Variants in DHX33 observed in about 807,000 individuals in gnomAD.
The protein encoded by DHX33 is DEAH-box helicase 33.
Under a neutral mutation model 72.5 loss-of-function variants are expected in DHX33, and 42 were observed. The ratio of observed to expected loss-of-function variants is 0.58; its 90% confidence interval spans 0.45 to 0.75. The LOEUF is 0.75. DHX33 is among the 30% of genes least tolerant of loss of function. DHX33 has a pLI of 0.00. For missense variants in DHX33, 842 were observed against 917.5 expected (o/e 0.92, Z 1.06); for synonymous variants, 358 against 366.1 (o/e 0.98, Z 0.25).
chr17:5,451,047 A>G (rs1473748981), intron 8 of DHX33, 113 bp from the exon 9 acceptor site: 2 of 1,250,874 alleles, frequency 1.6e-6, no homozygotes, highest in Non-Finnish European at 2.2e-6. Flanking sequence ...AGCAAAAATC[A>G]TAACCGCCAC....
In DHX33 at chr17:5,440,986, TAG is replaced by T. The variant is rs1404967814; in HGVS notation, c.*3217_*3218del. On this transcript the variant is annotated 3_prime_UTR_variant, in exon 12 of 12. Transcript: ENST00000225296. ...GAGCATTATTTACAAGAGCTTTCTG[TAG>T]AGTTATTTCTGTTCAAATAAAACCA... 1 of 152,240 alleles carries T rather than the reference TAG, an allele frequency of 6.6e-6. No homozygotes were observed. Among genetic ancestry groups the T allele is most frequent in the African/African-American group, 2.4e-5 (1 of 41,466 alleles). 9.4% of individuals were successfully genotyped at this position (152,240 alleles called of 1,614,324 possible).
At position 5,468,963 on chromosome 17, in the gene DHX33, G is replaced by A. The variant is rs1320692042; in HGVS notation, c.-104C>T. The A allele has an allele frequency of 5.5e-6, 4 of 720,738 alleles. No individual in the cohort carries two copies. The highest frequency in any genetic ancestry group is 8.5e-6 in the Non-Finnish European group (4 of 472,158). The allele number at this position is 720,738 out of a possible 1,614,324, so 44.6% of individuals were successfully genotyped here. ...CGCCCCTTCCTCGCCGCCACGTGCT[G>A]GCGGCTCCCGGCGACCACCGATGAC... On this transcript the variant is annotated 5_prime_UTR_variant, in exon 1 of 12. Transcript: ENST00000225296.
chr17:5,466,540 G>A (rs1220271908), intron 1 of DHX33, among the ~76,000 whole-genome samples: 1 of 152,178 alleles, frequency 6.6e-6, no homozygotes, highest in Non-Finnish European at 1.5e-5. Context: ...AGCTCTCGAT[G>A]GGATGGATCC....
intron 1 of DHX33, among the ~76,000 whole-genome samples, chr17:5,465,688 C>G (rs1049033643): frequency 2.0e-5 from 3 of 152,214 alleles, no homozygotes; most frequent in Non-Finnish European, 4.4e-5. Context: ...TGTGCAGAAG[C>G]AAACCTGAGT....
Position 5,443,836 on chromosome 17 carries a change from G to A in DHX33, c.*369C>T, listed in dbSNP as rs978921616. On this transcript the variant is annotated 3_prime_UTR_variant, in exon 12 of 12. Transcript: ENST00000225296. ...CCAACTCACTGTACGTGTGTCGTGCGTGCTCCAGGCATAGTTCTGGGTACT... is the reference window on the plus strand; with the variant it reads ...CCAACTCACTGTACGTGTGTCGTGCATGCTCCAGGCATAGTTCTGGGTACT... 27 of 193,256 alleles carry A rather than the reference G, an allele frequency of 1.4e-4. No individual in the cohort carries two copies. Among genetic ancestry groups the A allele is most frequent in the African/African-American group, 6.4e-4 (25 of 38,760 alleles). 12.0% of individuals were successfully genotyped at this position (193,256 alleles called of 1,614,324 possible). A position where few individuals can be genotyped will look rare whatever the true frequency, so the allele number is the denominator to read the frequency against.
At position 5,445,014 on chromosome 17, in the gene DHX33, G is replaced by T. The variant is rs1401201906; in HGVS notation, c.1816-501C>A. 5.3e-5 allele frequency among the ~76,000 whole-genome samples: 8 copies of T among 152,070 alleles called. No individual in the cohort carries two copies. The East Asian group carries it at 9.6e-4, about 18-fold the overall frequency. On this transcript the variant is annotated intron_variant, in intron 11 of 11. Coordinates refer to ENST00000225296, the MANE Select transcript of DHX33 (RefSeq NM_020162.4). ...TGCAAAACAATGCAAACTTCCCGTG[G>T]TGAAGCCACGAAGGAGCCACCCTGA...
chr17:5,465,702 T>C (rs889155147), intron 1 of DHX33, among the ~76,000 whole-genome samples: 1 of 152,196 alleles, frequency 6.6e-6, no homozygotes, highest in Non-Finnish European at 1.5e-5. Flanking sequence ...CCTGAGTTTA[T>C]AGTGTAGCCG....
At chr17:5,467,307 G>A (rs1904914492) in intron 1 of DHX33, among the ~76,000 whole-genome samples, 1 of 152,036 alleles carries the variant, frequency 6.6e-6, no homozygotes, top group Non-Finnish European at 1.5e-5. Context: ...ATCTACAGAC[G>A]GCATTGCTCC....
chr17:5,468,896 A>G lies in DHX33; in HGVS notation c.-37T>C, dbSNP rs2151695018. Reference sequence around the variant, plus strand: ...ACCGCGGCGGGAGGCGCAAGCGCCGAGAGCTCCTGCCCCCTCTCAGGTGCA... The same window carrying G: ...ACCGCGGCGGGAGGCGCAAGCGCCGGGAGCTCCTGCCCCCTCTCAGGTGCA... On this transcript the variant is annotated 5_prime_UTR_variant, in exon 1 of 12. Transcript: ENST00000225296. 1 of 1,547,814 alleles carries G rather than the reference A, an allele frequency of 6.5e-7. No homozygotes were observed. Among genetic ancestry groups the G allele is most frequent in the Non-Finnish European group, 8.7e-7 (1 of 1,146,052 alleles).
intron 1 of DHX33, among the ~76,000 whole-genome samples, chr17:5,465,105 C>T (rs772599119): frequency 6.6e-6 from 1 of 152,300 alleles, no homozygotes; most frequent in South Asian, 2.1e-4. Context: ...ACAATAAGCA[C>T]GCAGTAAATG....
intron 11 of DHX33, among the ~76,000 whole-genome samples, chr17:5,448,287 T>C (rs897276770): frequency 6.6e-6 from 1 of 152,282 alleles, no homozygotes; most frequent in South Asian, 2.1e-4. Flanking sequence ...GTATCCGTTA[T>C]GTGTGTGCTC....
At chr17:5,454,364 T>C (rs1597359263) in intron 6 of DHX33, among the ~76,000 whole-genome samples, 1 of 152,230 alleles carries the variant, frequency 6.6e-6, no homozygotes, top group East Asian at 1.9e-4. Flanking sequence ...CAAACTAGGA[T>C]GGGGGTCATA....
rs955461822 is a variant in DHX33, at chr17:5,450,134, T to C, written c.1728+69A>G. 11 of 1,575,762 alleles carry C rather than the reference T, an allele frequency of 7.0e-6. No individual in the cohort carries two copies. In the African/African-American group the frequency reaches 1.2e-4, roughly 17 times the overall value. ...AAGCGTACTTTTTGCACGGCTTCAG[T>C]AGAAAAAGGGAAGCACATAGCAGAG... On this transcript the variant is annotated intron_variant, in intron 10 of 11. Transcript: ENST00000225296.
intron 2 of DHX33, among the ~76,000 whole-genome samples, chr17:5,463,294 G>A (rs1429056978): frequency 1.3e-5 from 2 of 152,176 alleles, no homozygotes; most frequent in African/African-American, 4.8e-5. Context: ...GAAGGCTTAA[G>A]ATGTTCAAGG....
At position 5,444,558 on chromosome 17, in the gene DHX33, A is replaced by G. The variant is rs1247655982; in HGVS notation, c.1816-45T>C. 12 of 1,582,332 alleles carry G rather than the reference A, an allele frequency of 7.6e-6. No homozygotes were observed. Among genetic ancestry groups the G allele is most frequent in the Non-Finnish European group, 1.0e-5 (12 of 1,164,090 alleles). On this transcript the variant is annotated intron_variant, in intron 11 of 11. Transcript: ENST00000225296. This position sits in a 1 kb window ranked among gnomAD's most constrained non-coding sequence, Gnocchi z 4.9. ...GGAATGGAGCCGACCCCACACGTAA[A>G]CACTGGTCAGCACTACACAGCGTGT...
chr17:5,448,276 C>T (rs776863307), intron 11 of DHX33, among the ~76,000 whole-genome samples: 28 of 152,344 alleles, frequency 1.8e-4, no homozygotes, highest in Middle Eastern at 3.4e-3. Context: ...CTCATATGCA[C>T]GTATCCGTTA....
Position 5,456,055 on chromosome 17 carries a change from G to A in DHX33, c.977C>T (p.Pro326Leu), listed in dbSNP as rs775512646. 1 of 1,613,580 alleles carries A rather than the reference G, an allele frequency of 6.2e-7. No individual in the cohort carries two copies. The highest frequency in any genetic ancestry group is 8.5e-7 in the Non-Finnish European group (1 of 1,180,038). ...PDGCPAMLVL[P>L]LYASLPYAQQ... ...TGCATAGGGCAGGGAGGCGTACAGAGGAAGGACCAGCATCGCAGGGCAGCC... is the reference window on the plus strand; with the variant it reads ...TGCATAGGGCAGGGAGGCGTACAGAAGAAGGACCAGCATCGCAGGGCAGCC... Residue 326 changes from proline (P) to leucine (L), a missense_variant, in exon 5 of 12, where the codon CCT (proline) becomes CTT (leucine). Coordinates refer to ENST00000225296, the MANE Select transcript of DHX33 (RefSeq NM_020162.4).
chr17:5,448,969 C>G, intron 10 of DHX33, 74 bp from the exon 11 acceptor site: 1 of 1,228,570 alleles, frequency 8.1e-7, no homozygotes, highest in Non-Finnish European at 1.2e-6. Flanking sequence ...GGGTCTTGCT[C>G]TGTTCCCTAG....
At chr17:5,466,247 T>C (rs1389135484) in intron 1 of DHX33, among the ~76,000 whole-genome samples, 2 of 152,328 alleles carry the variant, frequency 1.3e-5, no homozygotes, top group Non-Finnish European at 1.5e-5. Flanking sequence ...TATTATAAAA[T>C]AGGTTTCATG....
Sources: allele counts gnomAD v4.1 joint callset (sites outside exome capture counted in the v4.1 genomes callset), GRCh38; gene constraint gnomAD v4.1.1; non-coding constraint Gnocchi (gnomAD v3.1); transcripts MANE v1.5; gene names NCBI Gene and HGNC (gene_info 2026-07-23, HGNC 2026-07-21).